The following EFL1 variants were observed in gnomAD, a reference collection of about 807,000 sequenced individuals.
EFL1 encodes the protein elongation factor like GTPase 1.
Under a neutral mutation model 126.7 loss-of-function variants are expected in EFL1, and 76 were observed. The ratio of observed to expected loss-of-function variants is 0.60; its 90% CI spans 0.50 to 0.73. EFL1 has a LOEUF of 0.73. EFL1 is among the 30% of genes least tolerant of loss of function. EFL1 has a pLI of 0.00. For missense variants in EFL1, 1,128 were observed against 1,343.2 expected (o/e 0.84, Z 2.50); for synonymous variants, 410 against 448.4 (o/e 0.91, Z 1.08).
At chr15:82,256,542 T>C (rs2075068332) in intron 3 of EFL1, among the ~76,000 whole-genome samples, 1 of 152,198 alleles carries the variant, frequency 6.6e-6, no homozygotes, top group Non-Finnish European at 1.5e-5. Context: ...CAGAAGGGTG[T>C]GACAGCCATT....
At chr15:82,176,511 A>G (rs2074197544) in intron 15 of EFL1, among the ~76,000 whole-genome samples, 1 of 152,218 alleles carries the variant, frequency 6.6e-6, no homozygotes, top group Non-Finnish European at 1.5e-5. Context: ...AGAATCTATA[A>G]GTGGGTAAAG....
chr15:82,198,078 C>T (rs1215656602), intron 15 of EFL1, among the ~76,000 whole-genome samples: 4 of 152,206 alleles, frequency 2.6e-5, no homozygotes, highest in African/African-American at 4.8e-5. Context: ...ACAGGCTACA[C>T]GTTTTACACA....
intron 19 of EFL1, among the ~76,000 whole-genome samples, chr15:82,132,583 C>T (rs2665104): frequency 0.35 from 52,521 of 149,596 alleles, 9,815 homozygotes; most frequent in South Asian, 0.67. Context: ...AGAGTAATAA[C>T]TCTGGTGGGT....
intron 15 of EFL1, among the ~76,000 whole-genome samples, chr15:82,211,973 G>A (rs2651691): frequency 6.6e-6 from 1 of 152,164 alleles, no homozygotes; most frequent in Non-Finnish European, 1.5e-5. Flanking sequence ...AGAAGCAATC[G>A]TGAAGATAAT....
intron 12 of EFL1, among the ~76,000 whole-genome samples, chr15:82,221,838 A>G (rs1401090137): frequency 6.6e-6 from 1 of 152,206 alleles, no homozygotes; most frequent in Non-Finnish European, 1.5e-5. Context: ...CACAATTTCT[A>G]GCCATGGCCG....
chr15:82,208,344 C>T (rs1595983710), intron 15 of EFL1, among the ~76,000 whole-genome samples: 2 of 152,300 alleles, frequency 1.3e-5, no homozygotes, highest in South Asian at 4.1e-4. Context: ...AATACGGCAA[C>T]CGCTAGCCAT....
At chr15:82,203,789 C>G (rs567973054) in intron 15 of EFL1, among the ~76,000 whole-genome samples, 1 of 152,176 alleles carries the variant, frequency 6.6e-6, no homozygotes, top group Admixed American at 6.5e-5. Flanking sequence ...TTCATCTTCA[C>G]GAATGTATAA....
At chr15:82,241,665 T>G (rs905091921) in intron 4 of EFL1, among the ~76,000 whole-genome samples, 1 of 152,258 alleles carries the variant, frequency 6.6e-6, no homozygotes, top group Non-Finnish European at 1.5e-5. Context: ...CCAGCCACTA[T>G]GATACTCACT....
intron 15 of EFL1, among the ~76,000 whole-genome samples, chr15:82,179,361 A>T (rs537474863): frequency 1.3e-5 from 2 of 152,276 alleles, no homozygotes; most frequent in African/African-American, 4.8e-5. Flanking sequence ...AAAGCTTTGC[A>T]AGCAAGTTTT....
chr15:82,236,932 G>C (rs1269554297), intron 7 of EFL1, among the ~76,000 whole-genome samples: 1 of 152,336 alleles, frequency 6.6e-6, no homozygotes, highest in Middle Eastern at 3.4e-3. Context: ...TTGAGGTCAG[G>C]AGTTTGAGAC....
At chr15:82,213,616 T>G (rs2074611687) in intron 15 of EFL1, among the ~76,000 whole-genome samples, 1 of 152,216 alleles carries the variant, frequency 6.6e-6, no homozygotes, top group Admixed American at 6.5e-5. Flanking sequence ...TTTCTTTCCC[T>G]TGAGCATCAT....
chr15:82,170,950 C>G (rs2074129167), intron 15 of EFL1, among the ~76,000 whole-genome samples: 2 of 152,030 alleles, frequency 1.3e-5, no homozygotes, highest in Admixed American at 1.3e-4. Flanking sequence ...GTCAGAAGCA[C>G]AAAATGCTTA....
At chr15:82,139,665 G>C (rs1172517859) in intron 18 of EFL1, among the ~76,000 whole-genome samples, 2 of 152,228 alleles carry the variant, frequency 1.3e-5, no homozygotes, top group Non-Finnish European at 2.9e-5. Flanking sequence ...AATCATGAAG[G>C]ACTTGCTGTA....
intron 19 of EFL1, 123 bp from the exon 20 acceptor site, chr15:82,130,684 G>T: frequency 1.0e-6 from 1 of 1,002,060 alleles, no homozygotes; most frequent in Non-Finnish European, 1.5e-6. Flanking sequence ...GAACAGCTAA[G>T]CTTGCTAGGA....
intron 13 of EFL1, 23 bp downstream of exon 13, chr15:82,220,055 G>C (rs758424260): frequency 6.3e-7 from 1 of 1,577,922 alleles, no homozygotes; most frequent in Admixed American, 1.9e-5. Context: ...CTTTGCAACA[G>C]AGCCTACTTA....
intron 15 of EFL1, among the ~76,000 whole-genome samples, chr15:82,187,390 G>T (rs1244757835): frequency 6.6e-6 from 1 of 152,168 alleles, no homozygotes; most frequent in Non-Finnish European, 1.5e-5. Flanking sequence ...CTCTAAGAGT[G>T]ACTTAGGAGA....
intron 11 of EFL1, among the ~76,000 whole-genome samples, chr15:82,226,301 A>AG (rs2074763335): frequency 2.0e-5 from 3 of 152,072 alleles, no homozygotes; most frequent in Admixed American, 1.3e-4. Flanking sequence ...CCCGAGTAGC[A>AG]GGGACTACAA....
rs750191260 is a variant in EFL1, at chr15:82,151,990, G to T, written c.2464C>A (p.Gln822Lys). 5.0e-6 allele frequency: 8 copies of T among 1,613,922 alleles called. 1 individual carries two copies. The highest frequency in any genetic ancestry group is 1.3e-5 in the African/African-American group (1 of 74,898). The change falls in exon 18 of 20, where the codon CAA (glutamine) becomes AAA (lysine). Residue 822 changes from glutamine to lysine, a missense_variant. Coordinates refer to ENST00000268206, the MANE Select transcript of EFL1 (RefSeq NM_024580.6). ...TTTCTTGGGCCAAATGACCAGATTT[G>T]GTCAACAATGTTCCTCCATCTTCTC... ...TGRRWRNIVD[Q>K]IWSFGPRKCG... is the part of the protein sequence containing the mutation.
At chr15:82,201,986 G>A (rs2074473847) in intron 15 of EFL1, among the ~76,000 whole-genome samples, 1 of 151,552 alleles carries the variant, frequency 6.6e-6, no homozygotes, top group African/African-American at 2.4e-5. Flanking sequence ...CTGGAGTGGG[G>A]CTCCAACATC....
Sources: gnomAD v4.1 joint callset for allele counts (sites outside exome capture counted in the v4.1 genomes callset) on GRCh38, gnomAD v4.1.1 for gene constraint, MANE v1.5 for transcripts, NCBI Gene and HGNC (gene_info 2026-07-23, HGNC 2026-07-21) for gene names.